DNAH12: variants seen among roughly 807,000 people sequenced by gnomAD.
DNAH12 encodes the protein axonemal beta dynein heavy chain 12.
In DNAH12, 285 loss-of-function variants were observed where a neutral mutation model predicts 371.5. The observed-to-expected ratio is 0.77, with a 90% CI of 0.70 to 0.85. The LOEUF (loss-of-function observed/expected upper bound fraction) is 0.85. DNAH12 is among the 40% of genes least tolerant of loss of function. The probability of loss-of-function intolerance (pLI) is 0.00; values close to 1 mark genes in which losing one functional copy is unlikely to be tolerated. For synonymous variants in DNAH12, 1,200 were observed against 1,213.0 expected, an observed-to-expected ratio of 0.99 and a Z score of 0.22; for missense variants, 3,611 against 3,689.4, an observed-to-expected ratio of 0.98 and a Z score of 0.55.
intron 25 of DNAH12, among the ~76,000 whole-genome samples, chr3:57,449,682 G>A (rs1446570642): frequency 6.6e-6 from 1 of 152,196 alleles, no homozygotes; most frequent in African/African-American, 2.4e-5. Flanking sequence ...AACTCCAGCT[G>A]GCCCGCAAGC....
At chr3:57,357,375 A>C in intron 58 of DNAH12, 27 bp from the exon 59 acceptor site, 1 of 152,306 alleles carries the variant, frequency 6.6e-6, no homozygotes, top group Non-Finnish European at 1.5e-5. Context: ...AGCGAGATTA[A>C]GAAATAGGAA....
chr3:57,307,348 A>G (rs557730380), intron 69 of DNAH12, among the ~76,000 whole-genome samples: 32 of 152,262 alleles, frequency 2.1e-4, no homozygotes, highest in Admixed American at 3.3e-4. Context: ...AGACAGCTTT[A>G]GAGACTGCCC....
chr3:57,457,961 T>G lies in DNAH12; in HGVS notation c.3096A>C (p.Ser1032=). The G allele has an allele frequency of 6.4e-7, 1 of 1,551,586 alleles. No individual in the cohort carries two copies. The highest frequency in any genetic ancestry group is 8.7e-7 in the Non-Finnish European group (1 of 1,146,930). The change falls in exon 22 of 74, where the codon TCA becomes TCC. Residue 1032 remains serine (S), a synonymous_variant. Coordinates refer to ENST00000495027, the MANE Select transcript of DNAH12 (RefSeq NM_001366028.2). ...LSNDEMLEIL[S]ETKDPLRVQP... is the part of the protein sequence containing the mutation. ...GAACTCTAAGTGGATCTTTGGTCTCTGATAAAATCTCTAACATTTCATCAT... is the reference window on the plus strand; with the variant it reads ...GAACTCTAAGTGGATCTTTGGTCTCGGATAAAATCTCTAACATTTCATCAT...
intron 58 of DNAH12, among the ~76,000 whole-genome samples, chr3:57,359,643 T>G (rs1347061786): frequency 6.6e-6 from 1 of 151,864 alleles, no homozygotes; most frequent in Admixed American, 6.6e-5. Context: ...ACTCATTACT[T>G]GTAAAACTTT....
chr3:57,331,542 C>T (rs2062095772), intron 62 of DNAH12, among the ~76,000 whole-genome samples: 1 of 152,076 alleles, frequency 6.6e-6, no homozygotes, highest in African/African-American at 2.4e-5. Context: ...AGGAGTAAAA[C>T]ATTTATGTAG....
At chr3:57,465,183 G>A (rs1241687585) in intron 17 of DNAH12, among the ~76,000 whole-genome samples, 1 of 152,140 alleles carries the variant, frequency 6.6e-6, no homozygotes, top group Non-Finnish European at 1.5e-5. Context: ...GACTGCAACT[G>A]GGAGCAGAGA....
chr3:57,322,542 C>A, intron 64 of DNAH12, 59 bp from the exon 65 acceptor site: 2 of 1,484,658 alleles, frequency 1.3e-6, no homozygotes, highest in East Asian at 2.5e-5. Context: ...TCTAAAAGTG[C>A]ATATACACGT....
At chr3:57,297,072 T>G in intron 70 of DNAH12, 88 bp from the exon 71 acceptor site, 7 of 1,460,164 alleles carry the variant, frequency 4.8e-6, no homozygotes, top group Non-Finnish European at 5.5e-6. Context: ...TGGTTTTTGC[T>G]TATGTTGCCC....
At position 57,405,838 on chromosome 3, in the gene DNAH12, C is replaced by T. The variant is rs374768969; in HGVS notation, c.6391G>A (p.Ala2131Thr). 9.1e-5 allele frequency: 141 copies of T among 1,551,478 alleles called. No individual in the cohort carries two copies. The highest frequency in any genetic ancestry group is 3.2e-4 in the African/African-American group (23 of 72,998). Reference protein sequence around the residue: ...IRGCLLIERDAVANKHTMIRL... With the variant: ...IRGCLLIERDTVANKHTMIRL... ...ATCATAGTGTGTTTGTTCGCCACGG[C>T]GTCTCTTTCAATGAGTAAACAGCCC... The change falls in exon 41 of 74, where the codon GCC becomes ACC. Residue 2131 changes from alanine (A) to threonine (T), a missense_variant. Ala to Thr is a moderately conservative substitution (Grantham distance 58). Around this residue, in one of 3 missense-constraint regions of DNAH12, gnomAD observed 2,266 missense variants for 2,236.9 expected, o/e 1.01. Coordinates refer to ENST00000495027, the MANE Select transcript of DNAH12 (RefSeq NM_001366028.2).
chr3:57,443,554 T>C (rs1228181115), intron 29 of DNAH12, among the ~76,000 whole-genome samples: 2 of 152,208 alleles, frequency 1.3e-5, no homozygotes, highest in African/African-American at 2.4e-5. Flanking sequence ...TTTGTTATTT[T>C]AAATTTTTAA....
chr3:57,477,631 G>C (rs6792163), intron 13 of DNAH12, among the ~76,000 whole-genome samples: 101,589 of 151,988 alleles, frequency 0.67, 34,214 homozygotes, highest in South Asian at 0.75. Flanking sequence ...GCCTCCTCAA[G>C]TGGGTCCCTG....
At chr3:57,449,845 C>A (rs1248356431) in intron 25 of DNAH12, among the ~76,000 whole-genome samples, 2 of 152,198 alleles carry the variant, frequency 1.3e-5, no homozygotes, top group Admixed American at 6.5e-5. Flanking sequence ...AAGTGGGAAC[C>A]CAGGCAGAGG....
intron 42 of DNAH12, among the ~76,000 whole-genome samples, chr3:57,403,990 A>G (rs1553680085): frequency 6.6e-6 from 1 of 152,194 alleles, no homozygotes; most frequent in Non-Finnish European, 1.5e-5. Flanking sequence ...GCATCAGCAA[A>G]GGTGAAGAAT....
chr3:57,483,950 C>CA (rs71088079), intron 12 of DNAH12, among the ~76,000 whole-genome samples: 29,891 of 64,154 alleles, frequency 0.47, 8,363 homozygotes, highest in South Asian at 0.59. Flanking sequence ...GACCCTGTCT[C>CA]AAAAAAAAAA....
At chr3:57,438,466 T>A (rs1340305217) in intron 29 of DNAH12, among the ~76,000 whole-genome samples, 1 of 152,004 alleles carries the variant, frequency 6.6e-6, no homozygotes, top group Non-Finnish European at 1.5e-5. Context: ...ATAAAAGGCA[T>A]CCAAATAGAA....
At chr3:57,381,878 T>A (rs920142770) in intron 50 of DNAH12, among the ~76,000 whole-genome samples, 130 of 151,438 alleles carry the variant, frequency 8.6e-4, no homozygotes, top group Admixed American at 6.8e-3. Context: ...TATATATATT[T>A]TTTTTTTTAG....
intron 25 of DNAH12, among the ~76,000 whole-genome samples, chr3:57,451,996 C>G (rs773246348): frequency 2.6e-5 from 4 of 152,146 alleles, no homozygotes; most frequent in Non-Finnish European, 5.9e-5. Context: ...CTTGGGCCTC[C>G]TTGAAGTGTG....
intron 1 of DNAH12, 102 bp from the exon 2 acceptor site, chr3:57,543,005 T>G: frequency 1.2e-6 from 1 of 850,162 alleles, no homozygotes; most frequent in African/African-American, 1.8e-5. Context: ...TCTAGACACT[T>G]TTGGATCTTC....
the DNAH12 span, among the ~76,000 whole-genome samples, chr3:57,552,552 A>AC: frequency 2.4e-5 from 3 of 123,444 alleles, no homozygotes; most frequent in Non-Finnish European, 5.6e-5. Flanking sequence ...CATTTATGTT[A>AC]TTTATTTATT....
Sources: gnomAD v4.1 joint callset for allele counts (sites outside exome capture counted in the v4.1 genomes callset) on GRCh38, gnomAD v4.1.1 for gene constraint, gnomAD v4.1.1 regional missense constraint, MANE v1.5 for transcripts, NCBI Gene and HGNC (gene_info 2026-07-23, HGNC 2026-07-21) for gene names.